The following PHACTR3 variants were observed in gnomAD, a reference collection of about 807,000 sequenced individuals.
PHACTR3 encodes phosphatase and actin regulator 3.
Under a neutral mutation model 66.8 loss-of-function variants are expected in PHACTR3, and 16 were observed. That is an observed-to-expected ratio of 0.24 (90% CI 0.16 to 0.36). PHACTR3 has a LOEUF of 0.36. PHACTR3 is among the 10% of genes least tolerant of loss of function. The probability of loss-of-function intolerance (pLI) is 1.00; values close to 1 mark genes in which losing one functional copy is unlikely to be tolerated. For synonymous variants in PHACTR3, 323 were observed against 292.1 expected (o/e 1.11, Z -1.08); for missense variants, 647 against 719.9 (o/e 0.90, Z 1.16).
chr20:59,700,706 T>A (rs998467332), intron 1 of PHACTR3, among the ~76,000 whole-genome samples: 2 of 152,244 alleles, frequency 1.3e-5, no homozygotes, highest in Non-Finnish European at 2.9e-5. Flanking sequence ...TTGGTAGTTG[T>A]TGAAGTGAAG....
intron 2 of PHACTR3, among the ~76,000 whole-genome samples, chr20:59,745,223 G>C (rs566701468): frequency 2.0e-5 from 3 of 152,224 alleles, no homozygotes; most frequent in African/African-American, 4.8e-5. Context: ...GCTGGGGAAG[G>C]CACGTCTGTG....
chr20:59,806,121 C>G lies in PHACTR3; in HGVS notation c.1255C>G (p.Arg419Gly), dbSNP rs375163958. The G allele has an allele frequency of 2.5e-6, 4 of 1,614,106 alleles. No individual in the cohort carries two copies. The highest frequency in any genetic ancestry group is 3.4e-6 in the Non-Finnish European group (4 of 1,180,044). Residue 419 changes from arginine (R) to glycine (G), a missense_variant, in exon 8 of 13, where the codon CGG becomes GGG. This residue lies in a region of PHACTR3 where 577 missense variants were observed against 571.1 expected (regional missense o/e 1.01). Coordinates refer to ENST00000371015, the MANE Select transcript of PHACTR3 (RefSeq NM_080672.5). ...GCCAAGCAAACAGGAACTAGAAGAC[C>G]GGAACATTTTCCCCAGAAGGACTGA... Reference protein sequence around the residue: ...NRPSKQELEDRNIFPRRTDEE... With the variant: ...NRPSKQELEDGNIFPRRTDEE...
At chr20:59,720,273 C>T (rs2038244934) in intron 1 of PHACTR3, among the ~76,000 whole-genome samples, 1 of 152,186 alleles carries the variant, frequency 6.6e-6, no homozygotes, top group Non-Finnish European at 1.5e-5. Context: ...CTGGGCTCTG[C>T]AGGCCCGTGT....
At chr20:59,581,371 C>T (rs2032851906) in intron 1 of PHACTR3, among the ~76,000 whole-genome samples, 1 of 152,212 alleles carries the variant, frequency 6.6e-6, no homozygotes, top group Non-Finnish European at 1.5e-5. Flanking sequence ...CAGGGCACAC[C>T]TGTGAGAGCC....
At chr20:59,762,461 T>C (rs2040023734) in intron 4 of PHACTR3, among the ~76,000 whole-genome samples, 1 of 152,250 alleles carries the variant, frequency 6.6e-6, no homozygotes, top group African/African-American at 2.4e-5. Context: ...TCCAGCCGCT[T>C]GTCCAGTGTT....
Position 59,767,194 on chromosome 20 carries a change from C to T in PHACTR3, c.550C>T (p.Pro184Ser). ...AAHLDDAAKM[P>S]SASSGEEADA... ...CTTTGCCTTTGAACCAGCCAAGATG[C>T]CTTCTGCATCCAGTGGTGAAGAAGC... Residue 184 changes from proline (P) to serine (S), a missense_variant, in exon 5 of 13, where the codon CCT becomes TCT. Coordinates refer to ENST00000371015, the MANE Select transcript of PHACTR3 (RefSeq NM_080672.5). 1 of 1,614,220 alleles carries T rather than the reference C, an allele frequency of 6.2e-7. No individual in the cohort carries two copies. Among genetic ancestry groups the T allele is most frequent in the Non-Finnish European group, 8.5e-7 (1 of 1,180,022 alleles).
rs2059137353 is a variant in PHACTR3, at chr20:59,845,810, C to T, written c.1664+545C>T. 2.6e-5 allele frequency among the ~76,000 whole-genome samples: 4 copies of T among 152,226 alleles called. No homozygotes were observed. In the South Asian group the frequency reaches 8.3e-4, roughly 32 times the overall value. On this transcript the variant is annotated intron_variant, in intron 12 of 12. Transcript: ENST00000371015. Reference sequence around the variant, plus strand: ...GCTCCCATCTTCATGGAGTTTATGTCCCATTGGGAATATATTGGCTGATTC... The same window carrying T: ...GCTCCCATCTTCATGGAGTTTATGTTCCATTGGGAATATATTGGCTGATTC...
chr20:59,677,388 G>A (rs1267541569), intron 1 of PHACTR3, among the ~76,000 whole-genome samples: 1 of 152,198 alleles, frequency 6.6e-6, no homozygotes, highest in Non-Finnish European at 1.5e-5. Flanking sequence ...CTTGGCTTTT[G>A]TGTGGTTTTA....
At chr20:59,668,191 C>T (rs141489662) in intron 1 of PHACTR3, among the ~76,000 whole-genome samples, 56 of 151,998 alleles carry the variant, frequency 3.7e-4, no homozygotes, top group African/African-American at 1.1e-3. Flanking sequence ...TGGGCACGTA[C>T]GCCTGTACAG....
intron 1 of PHACTR3, among the ~76,000 whole-genome samples, chr20:59,721,905 C>T (rs968915805): frequency 6.6e-5 from 10 of 152,216 alleles, no homozygotes; most frequent in African/African-American, 1.2e-4. Flanking sequence ...ATACACAAGA[C>T]GACGTCAAAG....
At chr20:59,725,484 G>A (rs568498449) in intron 1 of PHACTR3, among the ~76,000 whole-genome samples, 11 of 152,340 alleles carry the variant, frequency 7.2e-5, no homozygotes, top group Admixed American at 5.9e-4. Flanking sequence ...TGAGCTCAGT[G>A]AGGACAGACA....
intron 1 of PHACTR3, among the ~76,000 whole-genome samples, chr20:59,697,619 T>C (rs1170814534): frequency 6.6e-6 from 1 of 152,150 alleles, no homozygotes; most frequent in Non-Finnish European, 1.5e-5. Context: ...GTCTTCATCA[T>C]GACCAAGGAA....
rs1385869949 is a variant in PHACTR3 at position 59,773,464 on chromosome 20, G to A, written c.926+11G>A. 3.1e-6 allele frequency: 5 copies of A among 1,592,844 alleles called. No individual in the cohort carries two copies. The African/African-American group carries it at 5.4e-5, about 17-fold the overall frequency. ...GCACCGCCAGGACAGGTGAGGCCCT[G>A]CCCCATGAGGGAGACCTGTGCTGCC... On this transcript the variant is annotated intron_variant, in intron 6 of 12. Transcript: ENST00000371015.
In PHACTR3 at chr20:59,830,084, G is replaced by C. The variant is rs576539616; in HGVS notation, c.1329-6421G>C. ...ACGATTCAGAAACTGGTACAAACTTGGCACTGAGACGGCGTCTGATGGGAG... is the reference window on the plus strand; with the variant it reads ...ACGATTCAGAAACTGGTACAAACTTCGCACTGAGACGGCGTCTGATGGGAG... On this transcript the variant is annotated intron_variant, in intron 8 of 12. Transcript: ENST00000371015. The surrounding 1 kb of genome is among the most constrained non-coding windows in gnomAD (Gnocchi z 5.8). Among the ~76,000 whole-genome samples the C allele has an allele frequency of 3.9e-5, 6 of 152,310 alleles. No homozygotes were observed. Among genetic ancestry groups the C allele is most frequent in the African/African-American group, 1.4e-4 (6 of 41,566 alleles).
chr20:59,783,301 T>C (rs1010451503), intron 7 of PHACTR3, among the ~76,000 whole-genome samples: 2 of 152,174 alleles, frequency 1.3e-5, no homozygotes, highest in Non-Finnish European at 2.9e-5. Context: ...CAGGACGACC[T>C]GGTGGGCGTC....
intron 1 of PHACTR3, among the ~76,000 whole-genome samples, chr20:59,614,321 A>G (rs1357580689): frequency 6.6e-6 from 1 of 152,228 alleles, no homozygotes; most frequent in African/African-American, 2.4e-5. Context: ...TTCATTTCCC[A>G]GTTCATTTAA....
rs2042007788 is a variant in PHACTR3, at chr20:59,820,665, G to A, written c.1328+14471G>A. Among the ~76,000 whole-genome samples, 1 of 152,182 alleles carries A rather than the reference G, an allele frequency of 6.6e-6. No individual in the cohort carries two copies. The highest frequency in any genetic ancestry group is 1.5e-5 in the Non-Finnish European group (1 of 68,032). On this transcript the variant is annotated intron_variant, in intron 8 of 12. Transcript: ENST00000371015. The surrounding 1 kb of genome is among the most constrained non-coding windows in gnomAD (Gnocchi z 4.6). ...CTTCTGTGCAGTGTCAATATGAAGTGGCCCTGTCCCTGCTGAGGGCTCCAG... is the reference window on the plus strand; with the variant it reads ...CTTCTGTGCAGTGTCAATATGAAGTAGCCCTGTCCCTGCTGAGGGCTCCAG...
chr20:59,657,849 G>C (rs2903079), intron 1 of PHACTR3, among the ~76,000 whole-genome samples: 21,052 of 151,864 alleles, frequency 0.14, 1,655 homozygotes, highest in East Asian at 0.25. Context: ...GGGTTTTTTC[G>C]CACTAAATTT....
chr20:59,675,129 A>C (rs1358502267), intron 1 of PHACTR3, among the ~76,000 whole-genome samples: 9 of 32,838 alleles, frequency 2.7e-4, no homozygotes, highest in African/African-American at 5.0e-4. Context: ...CCCTCCACTT[A>C]CCCCTCTCCC....
Sources: allele counts gnomAD v4.1 joint callset (sites outside exome capture counted in the v4.1 genomes callset), GRCh38; gene constraint gnomAD v4.1.1; regional missense constraint gnomAD v4.1.1; non-coding constraint Gnocchi (gnomAD v3.1); transcripts MANE v1.5; gene names NCBI Gene and HGNC (gene_info 2026-07-23, HGNC 2026-07-21).